Variants in AP2A2 observed in about 807,000 individuals in gnomAD.
AP2A2 encodes the protein adaptor related protein complex 2 subunit alpha 2, also known as AP-2 complex subunit alpha-2.
Under a neutral mutation model 104.2 loss-of-function variants are expected in AP2A2, and 32 were observed. The ratio of observed to expected loss-of-function variants is 0.31; its 90% CI spans 0.23 to 0.41. The LOEUF (loss-of-function observed/expected upper bound fraction) is 0.41. AP2A2 is among the 10% of genes least tolerant of loss of function. The pLI is 1.00. For missense variants in AP2A2, 912 were observed against 1,261.0 expected, an observed-to-expected ratio of 0.72 and a Z score of 4.19; for synonymous variants, 539 against 533.3, an observed-to-expected ratio of 1.01 and a Z score of -0.15.
chr11:972,273 G>A lies in AP2A2; in HGVS notation c.473+18G>A, dbSNP rs528656716. On this transcript the variant is annotated intron_variant, in intron 4 of 21. Transcript: ENST00000448903. Reference sequence around the variant, plus strand: ...GTAGCCGGGTATGTGCCGGGCTCGTGCCGGGCTCCTGCTGAAGATGTGCTG... The same window carrying A: ...GTAGCCGGGTATGTGCCGGGCTCGTACCGGGCTCCTGCTGAAGATGTGCTG... 9.6e-6 allele frequency: 15 copies of A among 1,555,886 alleles called. No individual in the cohort carries two copies. In the South Asian group the frequency reaches 1.6e-4, roughly 17 times the overall value.
In AP2A2 at chr11:1,011,231, C is replaced by T. The variant is rs766879296; in HGVS notation, c.*606C>T. 4 of 519,568 alleles carry T rather than the reference C, an allele frequency of 7.7e-6. No homozygotes were observed. Among genetic ancestry groups the T allele is most frequent in the Non-Finnish European group, 1.5e-5 (4 of 260,318 alleles). 32.2% of individuals were successfully genotyped at this position (519,568 alleles called of 1,614,324 possible). A position where few individuals can be genotyped will look rare whatever the true frequency, so the allele number is the denominator to read the frequency against. ...CGTGTCCTGGCCGGATGTAACTGTT[C>T]TCCTTTCCCAGCTCCTGTTTGTGAA... On this transcript the variant is annotated 3_prime_UTR_variant, in exon 22 of 22. Transcript: ENST00000448903.
intron 3 of AP2A2, among the ~76,000 whole-genome samples, chr11:970,898 G>T (rs775853256): frequency 7.9e-5 from 12 of 152,268 alleles, no homozygotes; most frequent in Non-Finnish European, 1.5e-5. Context: ...CTGGTGCACA[G>T]TGTCCTGTCA....
chr11:969,879 C>T (rs1255359731), intron 2 of AP2A2, among the ~76,000 whole-genome samples: 1 of 152,212 alleles, frequency 6.6e-6, no homozygotes, highest in African/African-American at 2.4e-5. Flanking sequence ...TGAGGGCCAG[C>T]TGGGCTGCAC....
At chr11:933,724 G>A (rs1414247216) in intron 1 of AP2A2, 1 of 447,600 alleles carries the variant, frequency 2.2e-6, no homozygotes, top group African/African-American at 2.0e-5. Flanking sequence ...AGTGACTCGT[G>A]GGCACTCAGG....
intron 1 of AP2A2, among the ~76,000 whole-genome samples, chr11:941,612 G>C (rs181582525): frequency 6.6e-6 from 1 of 151,020 alleles, no homozygotes; most frequent in Non-Finnish European, 1.5e-5. Context: ...TTTTGAGATG[G>C]AGTCTCACTC....
rs1057345999 is a variant in AP2A2, at chr11:993,698, T to C, written c.1551-56T>C. The C allele has an allele frequency of 1.4e-6, 2 of 1,381,724 alleles. No individual in the cohort carries two copies. Among genetic ancestry groups the C allele is most frequent in the South Asian group, 2.6e-5 (2 of 76,586 alleles). 85.6% of individuals were successfully genotyped at this position (1,381,724 alleles called of 1,614,324 possible). A position where few individuals can be genotyped will look rare whatever the true frequency, so the allele number is the denominator to read the frequency against. ...CCGCCGTCCCCCCCCCGCGGGGGCG[T>C]GCTGCAGCCTGCGAGGGGACGACGG... is the stretch of plus-strand genomic sequence containing the variant. On this transcript the variant is annotated intron_variant, in intron 12 of 21. Coordinates refer to ENST00000448903, the MANE Select transcript of AP2A2 (RefSeq NM_012305.4). The surrounding 1 kb of genome is among the most constrained non-coding windows in gnomAD (Gnocchi z 8.2).
intron 1 of AP2A2, among the ~76,000 whole-genome samples, chr11:928,402 C>T (rs6597972): frequency 0.58 from 88,552 of 152,128 alleles, 26,580 homozygotes; most frequent in Middle Eastern, 0.73. Context: ...GATTTAGTAT[C>T]ATCTGAAGTT....
intron 1 of AP2A2, among the ~76,000 whole-genome samples, chr11:943,925 G>A (rs553722770): frequency 6.1e-5 from 9 of 148,598 alleles, no homozygotes; most frequent in Admixed American, 2.0e-4. Flanking sequence ...GAGTAAGAGA[G>A]TCCCGACCGG....
chr11:1,001,371 T>C (rs1302640891), intron 15 of AP2A2: 1 of 152,378 alleles, frequency 6.6e-6, no homozygotes, highest in Admixed American at 6.5e-5. Context: ...GTGCCCCCTT[T>C]CCTGGAGTTG....
rs2133742336 is a variant in AP2A2, at chr11:993,480, C to T, written c.1550+99C>T. ...GCACCAGCTGGCCCTGCCGTGAGGC[C>T]TCGCAGAGCCGCTTCTGCTCCCCAT... On this transcript the variant is annotated intron_variant, in intron 12 of 21. Coordinates refer to ENST00000448903, the MANE Select transcript of AP2A2 (RefSeq NM_012305.4). The surrounding 1 kb of genome is among the most constrained non-coding windows in gnomAD (Gnocchi z 8.2). The T allele has an allele frequency of 3.4e-6, 3 of 894,062 alleles. No homozygotes were observed. The highest frequency in any genetic ancestry group is 2.5e-4 in the Middle Eastern group (1 of 3,950). 55.4% of individuals were successfully genotyped at this position (894,062 alleles called of 1,614,324 possible).
chr11:934,325 A>G (rs1419659915), intron 1 of AP2A2, among the ~76,000 whole-genome samples: 3 of 152,062 alleles, frequency 2.0e-5, no homozygotes, highest in Non-Finnish European at 2.9e-5. Flanking sequence ...GGGTCTCACT[A>G]TGTTGCCCAG....
chr11:994,093 C>A lies in AP2A2; in HGVS notation c.1804C>A (p.Pro602Thr). 1 of 1,612,994 alleles carries A rather than the reference C, an allele frequency of 6.2e-7. No homozygotes were observed. The highest frequency in any genetic ancestry group is 8.5e-7 in the Non-Finnish European group (1 of 1,179,808). Residue 602 changes from proline to threonine, a missense_variant, in exon 14 of 22, where the codon CCC becomes ACC. Coordinates refer to ENST00000448903, the MANE Select transcript of AP2A2 (RefSeq NM_012305.4). Reference sequence around the variant, plus strand: ...CAAGGCGACCGTGCTGGAGGAGATGCCCCCATTCCCGGAGCGGGAGTCCTC... The same window carrying A: ...CAAGGCGACCGTGCTGGAGGAGATGACCCCATTCCCGGAGCGGGAGTCCTC... ...DILATVLEEMPPFPERESSIL... is the reference protein window; with the variant it reads ...DILATVLEEMTPFPERESSIL...
At chr11:947,535 C>T (rs1853889513) in intron 1 of AP2A2, among the ~76,000 whole-genome samples, 1 of 152,158 alleles carries the variant, frequency 6.6e-6, no homozygotes, top group Non-Finnish European at 1.5e-5. Context: ...GTGGCTCACA[C>T]CTCTAATCCC....
chr11:945,579 C>T (rs986421084), intron 1 of AP2A2, among the ~76,000 whole-genome samples: 44 of 152,118 alleles, frequency 2.9e-4, no homozygotes, highest in African/African-American at 9.9e-4. Context: ...GTGATCCGCC[C>T]GCCTCGGCCT....
intron 1 of AP2A2, among the ~76,000 whole-genome samples, chr11:929,029 C>T (rs1226092656): frequency 6.6e-6 from 1 of 152,184 alleles, no homozygotes; most frequent in Non-Finnish European, 1.5e-5. Context: ...CAGAGAAGAC[C>T]TCACAAGGAA....
chr11:986,006 G>A (rs576669410), intron 8 of AP2A2, among the ~76,000 whole-genome samples: 5 of 152,372 alleles, frequency 3.3e-5, no homozygotes, highest in African/African-American at 9.6e-5. Flanking sequence ...GCGCAGAGGC[G>A]CAGGGTGGCG....
chr11:1,008,802 A>G, intron 18 of AP2A2: 1 of 446,034 alleles, frequency 2.2e-6, no homozygotes, highest in South Asian at 5.0e-5. Context: ...TTGCCTTTTT[A>G]AAGAAAAAAC....
intron 2 of AP2A2, among the ~76,000 whole-genome samples, chr11:966,672 C>A (rs1193927737): frequency 1.3e-5 from 2 of 152,098 alleles, no homozygotes; most frequent in African/African-American, 4.8e-5. Context: ...GAGTTCCCAC[C>A]CTGCCCCCGA....
chr11:1,002,823 G>A (rs1227436143), intron 15 of AP2A2, among the ~76,000 whole-genome samples: 3 of 152,254 alleles, frequency 2.0e-5, no homozygotes, highest in African/African-American at 7.2e-5. Context: ...CACAGGTGGA[G>A]GTGGAGATTT....
Sources: gnomAD v4.1 joint callset for allele counts (sites outside exome capture counted in the v4.1 genomes callset) on GRCh38, gnomAD v4.1.1 for gene constraint, Gnocchi (gnomAD v3.1) non-coding constraint, MANE v1.5 for transcripts, NCBI Gene and HGNC (gene_info 2026-07-23, HGNC 2026-07-21) for gene names.